Variants in GRIP1 observed in about 807,000 individuals in gnomAD.
The protein encoded by GRIP1 is glutamate receptor interacting protein 1, also known as glutamate receptor-interacting protein 1.
A neutral mutation model predicts 129.9 loss-of-function variants in GRIP1; 45 were observed. The observed-to-expected ratio is 0.35, with a 90% CI of 0.27 to 0.44. The LOEUF is 0.44. GRIP1 is among the 20% of genes least tolerant of loss of function. The probability of loss-of-function intolerance (pLI) is 1.00; values close to 1 mark genes in which losing one functional copy is unlikely to be tolerated. For missense variants in GRIP1, 1,196 were observed against 1,396.8 expected, an observed-to-expected ratio of 0.86 and a Z score of 2.29; for synonymous variants, 530 against 520.8, an observed-to-expected ratio of 1.02 and a Z score of -0.24.
At chr12:66,551,533 T>G (rs2062132059) in intron 2 of GRIP1, among the ~76,000 whole-genome samples, 1 of 152,134 alleles carries the variant, frequency 6.6e-6, no homozygotes, top group Non-Finnish European at 1.5e-5. Flanking sequence ...AATCATTTAT[T>G]TTTGCATGTA....
rs1297837677 is a variant in GRIP1, at chr12:67,003,917, T to C, written c.58+65133A>G. On this transcript the variant is annotated intron_variant, in intron 1 of 1. Coordinates refer to the GRIP1 transcript ENST00000643019. ...GGAGACTAGAAGCCTGGAATCACAC[T>C]GGGCCACGTTCCTTCCAGGTGCCCT... 5.3e-5 allele frequency among the ~76,000 whole-genome samples: 8 copies of C among 152,286 alleles called. No homozygotes were observed. In the Middle Eastern group the frequency reaches 0.01, roughly 194 times the overall value.
rs763550450 is a variant in GRIP1, at chr12:66,678,845, G to T, written c.55+5C>A. ...GCTGAGGGAATAACAAGGAAAGCAC[G>T]ATACCTTTAGTAAGTCGCCTCAGAA... On this transcript the variant is annotated splice_donor_5th_base_variant and intron_variant, in intron 1 of 24. Coordinates refer to ENST00000359742, the MANE Select transcript of GRIP1 (RefSeq NM_001366722.1). The T allele has an allele frequency of 6.2e-7, 1 of 1,612,528 alleles. No individual in the cohort carries two copies. Among genetic ancestry groups the T allele is most frequent in the Admixed American group, 1.7e-5 (1 of 59,940 alleles).
At chr12:66,819,723 C>T (rs2039285211) in intron 1 of GRIP1, among the ~76,000 whole-genome samples, 1 of 152,168 alleles carries the variant, frequency 6.6e-6, no homozygotes, top group African/African-American at 2.4e-5. Context: ...GCATGAGCAT[C>T]ACTACTCTAT....
At chr12:66,874,972 C>T (rs1187418563) in intron 1 of GRIP1, among the ~76,000 whole-genome samples, 1 of 152,000 alleles carries the variant, frequency 6.6e-6, no homozygotes, top group Non-Finnish European at 1.5e-5. Flanking sequence ...TATACATACC[C>T]TGTATGTATG....
chr12:66,461,734 C>T (rs1332591749), intron 9 of GRIP1, among the ~76,000 whole-genome samples: 3 of 152,130 alleles, frequency 2.0e-5, no homozygotes, highest in African/African-American at 7.2e-5. Flanking sequence ...GTCCCTCTTT[C>T]CCCCCGCCCC....
At chr12:66,543,645 C>A (rs1390342417) in intron 2 of GRIP1, among the ~76,000 whole-genome samples, 1 of 152,118 alleles carries the variant, frequency 6.6e-6, no homozygotes, top group Non-Finnish European at 1.5e-5. Flanking sequence ...CCCTTGCTGG[C>A]AGAAGGCTAG....
At chr12:66,870,635 C>T (rs897972511) in intron 1 of GRIP1, among the ~76,000 whole-genome samples, 4 of 152,068 alleles carry the variant, frequency 2.6e-5, no homozygotes, top group African/African-American at 7.2e-5. Flanking sequence ...GTGTGAACTT[C>T]GCCAAATTTG....
chr12:66,842,186 A>C (rs987342122), intron 1 of GRIP1, among the ~76,000 whole-genome samples: 5 of 152,106 alleles, frequency 3.3e-5, no homozygotes, highest in Non-Finnish European at 5.9e-5. Flanking sequence ...AAACATCTAT[A>C]ATACCTGCTG....
At chr12:66,683,372 C>T (rs79390294), upstream of GRIP1, among the ~76,000 whole-genome samples, 2,817 of 152,128 alleles carry the variant, frequency 0.019, 99 homozygotes, top group African/African-American at 0.064. Flanking sequence ...CTGAACAGAA[C>T]TCGCCAGTAA....
intron 7 of GRIP1, among the ~76,000 whole-genome samples, chr12:66,492,051 T>A (rs1375172719): frequency 6.6e-6 from 1 of 152,076 alleles, no homozygotes; most frequent in African/African-American, 2.4e-5. Context: ...TTCCTACTAC[T>A]CATATTCTTA....
intron 2 of GRIP1, among the ~76,000 whole-genome samples, chr12:66,574,566 A>C (rs575897946): frequency 6.6e-6 from 1 of 152,342 alleles, no homozygotes; most frequent in South Asian, 2.1e-4. Context: ...TAACAGTTTT[A>C]TAAACCTTCC....
chr12:67,039,710 C>G (rs1792037230), intron 1 of GRIP1, among the ~76,000 whole-genome samples: 1 of 152,146 alleles, frequency 6.6e-6, no homozygotes, highest in Non-Finnish European at 1.5e-5. Context: ...AGACTTCTTT[C>G]TAGATAAATG....
At position 66,631,901 on chromosome 12, in the gene GRIP1, C is replaced by T. The variant is rs1314015783; in HGVS notation, c.56-34974G>A. Among the ~76,000 whole-genome samples, 6 of 152,250 alleles carry T rather than the reference C, an allele frequency of 3.9e-5. 1 individual carries two copies. The highest frequency in any genetic ancestry group is 2.1e-4 in the South Asian group (1 of 4,824). On this transcript the variant is annotated intron_variant, in intron 1 of 24. Coordinates refer to ENST00000359742, the MANE Select transcript of GRIP1 (RefSeq NM_001366722.1). The stretch of plus-strand genomic sequence containing the variant: ...TATATGCATTATTTTATTTAAGTAT[C>T]GTATAACCCTATGAGGTAGGTATTT...
intron 7 of GRIP1, among the ~76,000 whole-genome samples, chr12:66,500,090 CAAT>C (rs1226185619): frequency 1.3e-5 from 2 of 152,108 alleles, no homozygotes; most frequent in Admixed American, 6.5e-5. Flanking sequence ...ATAACAACAA[CAAT>C]AATAAAACAA....
intron 1 of GRIP1, among the ~76,000 whole-genome samples, chr12:66,968,157 A>T (rs1255150533): frequency 6.6e-6 from 1 of 152,096 alleles, no homozygotes; most frequent in African/African-American, 2.4e-5. Context: ...TTTTATGATT[A>T]TGTCTTCCTG....
intron 1 of GRIP1, among the ~76,000 whole-genome samples, chr12:66,991,688 A>G (rs2042396831): frequency 6.6e-6 from 1 of 152,224 alleles, no homozygotes; most frequent in Admixed American, 6.5e-5. Context: ...ACAGTGTTGA[A>G]ATAGAGACAG....
At chr12:66,930,724 T>G (rs994224859) in intron 1 of GRIP1, among the ~76,000 whole-genome samples, 1 of 152,200 alleles carries the variant, frequency 6.6e-6, no homozygotes, top group African/African-American at 2.4e-5. Context: ...CTCTTTCCCT[T>G]AACCTGCCCT....
upstream of GRIP1, among the ~76,000 whole-genome samples, chr12:66,804,556 G>A (rs926888397): frequency 2.6e-5 from 4 of 152,136 alleles, no homozygotes; most frequent in African/African-American, 7.2e-5. Context: ...AGATTCAGCT[G>A]AGGCAAGAGG....
At chr12:66,994,711 TAGAA>T (rs2042442365) in intron 1 of GRIP1, among the ~76,000 whole-genome samples, 1 of 151,942 alleles carries the variant, frequency 6.6e-6, no homozygotes. Context: ...ATCTAAAAAA[TAGAA>T]AGTCTTCTGT....
Sources: gnomAD v4.1 joint callset for allele counts (sites outside exome capture counted in the v4.1 genomes callset) on GRCh38, gnomAD v4.1.1 for gene constraint, MANE v1.5 for transcripts, NCBI Gene and HGNC (gene_info 2026-07-23, HGNC 2026-07-21) for gene names.